The following SART1 variants were observed in gnomAD, a reference collection of about 807,000 sequenced individuals.
SART1 encodes the protein spliceosome associated factor 1, recruiter of U4/U6.U5 tri-snRNP.
A neutral mutation model predicts 105.0 loss-of-function variants in SART1; 28 were observed. The observed-to-expected ratio is 0.27, with a 90% CI of 0.20 to 0.37. The LOEUF (loss-of-function observed/expected upper bound fraction) is 0.37. Among genes scored for constraint, SART1 ranks in the 10% least tolerant of loss-of-function variants. The pLI, the probability that SART1 is intolerant of heterozygous loss-of-function variation, is 1.00. For synonymous variants in SART1, 472 were observed against 462.9 expected (o/e 1.02, Z -0.25); for missense variants, 894 against 1,106.5 (o/e 0.81, Z 2.72).
intron 2 of SART1, 38 bp from the exon 3 acceptor site, chr11:65,964,477 C>T (rs369677284): frequency 7.3e-5 from 118 of 1,611,556 alleles, no homozygotes; most frequent in Middle Eastern, 1.6e-4. Context: ...CACCCTGTGT[C>T]TTTAATAGCC....
rs12575735 is a variant in SART1 at position 65,977,760 on chromosome 11, C to T, written c.2037-4C>T. 5.2e-3 allele frequency: 8,440 copies of T among 1,613,964 alleles called. 586 individuals carry two copies. In the East Asian group the frequency reaches 0.15, roughly 29 times the overall value. ...ACACTAAGGCCTCCTCTGTCTCGGG[C>T]CAGGGCCATCGATGACAAGTACAGC... On this transcript the variant is annotated splice_polypyrimidine_tract_variant and splice_region_variant and intron_variant, in intron 16 of 19. Transcript: ENST00000312397.
intron 1 of SART1, among the ~76,000 whole-genome samples, chr11:65,963,711 A>G (rs894655362): frequency 6.6e-6 from 1 of 151,974 alleles, no homozygotes. Flanking sequence ...TGAACTTCTG[A>G]CCTCGTGATC....
intron 12 of SART1, among the ~76,000 whole-genome samples, chr11:65,973,047 A>G (rs942682457): frequency 3.9e-5 from 6 of 152,138 alleles, no homozygotes; most frequent in South Asian, 2.1e-4. Context: ...GGTGGCGGGC[A>G]CCTGTAGTCC....
At chr11:65,974,818 G>C (rs1021809667) in intron 12 of SART1, among the ~76,000 whole-genome samples, 1 of 152,078 alleles carries the variant, frequency 6.6e-6, no homozygotes, top group Non-Finnish European at 1.5e-5. Flanking sequence ...GGCAAATCAC[G>C]AGGTCAGGAG....
Position 65,976,283 on chromosome 11 carries a change from G to A in SART1, c.1573-112G>A. 9.0e-7 allele frequency: 1 copy of A among 1,115,906 alleles called. No homozygotes were observed. Among genetic ancestry groups the A allele is most frequent in the Non-Finnish European group, 1.2e-6 (1 of 807,730 alleles). The allele number at this position is 1,115,906 out of a possible 1,614,324, so 69.1% of individuals were successfully genotyped here. On this transcript the variant is annotated intron_variant, in intron 12 of 19. Coordinates refer to ENST00000312397, the MANE Select transcript of SART1 (RefSeq NM_005146.5). This position sits in a 1 kb window ranked among gnomAD's most constrained non-coding sequence, Gnocchi z 5.1. ...GCAGATAGCAGCTGGGCCTGCATGG[G>A]CTGTGGGCGTGGCCTGTCTGGCTGC...
At chr11:65,965,292 G>T (rs1370848034) in intron 4 of SART1, 50 bp from the exon 5 acceptor site, 2 of 1,603,380 alleles carry the variant, frequency 1.2e-6, no homozygotes, top group African/African-American at 1.3e-5. Context: ...CTTGAGTGGG[G>T]TGGGGAGCAG....
chr11:65,977,742 G>C (rs1338213954), intron 16 of SART1, 22 bp from the exon 17 acceptor site: 1 of 1,613,926 alleles, frequency 6.2e-7, no homozygotes, highest in Non-Finnish European at 8.5e-7. Flanking sequence ...CTCACACTAA[G>C]GCCTCCTCTG....
chr11:65,975,833 C>T (rs949765152), intron 12 of SART1, among the ~76,000 whole-genome samples: 1 of 151,932 alleles, frequency 6.6e-6, no homozygotes, highest in African/African-American at 2.4e-5. Flanking sequence ...TGGGCATCTG[C>T]GACAGGAGGG....
At position 65,978,123 on chromosome 11, in the gene SART1, A is replaced by G. The variant is rs1855521441; in HGVS notation, c.2172+224A>G. The stretch of plus-strand genomic sequence containing the variant: ...ACAGCAGTCTCTTTGCAAGCCTGGC[A>G]GGAGGGTCAGACAGGCACTCGGGAC... On this transcript the variant is annotated intron_variant, in intron 17 of 19. Coordinates refer to ENST00000312397, the MANE Select transcript of SART1 (RefSeq NM_005146.5). This position sits in a 1 kb window ranked among gnomAD's most constrained non-coding sequence, Gnocchi z 6.8. 1.7e-6 allele frequency: 1 copy of G among 583,784 alleles called. No homozygotes were observed. Among genetic ancestry groups the G allele is most frequent in the South Asian group, 2.0e-5 (1 of 50,056 alleles). The allele number at this position is 583,784 out of a possible 1,614,324, so 36.2% of individuals were successfully genotyped here.
Position 65,964,587 on chromosome 11 carries a change from G to T in SART1, c.427+17G>T, listed in dbSNP as rs757120155. On this transcript the variant is annotated intron_variant, in intron 3 of 19. Coordinates refer to ENST00000312397, the MANE Select transcript of SART1 (RefSeq NM_005146.5). ...TCAAGAAGGGTGAGTATGGGGCTGA[G>T]GATAGGGTTTGGGGGAAAGAGGCCA... is the stretch of plus-strand genomic sequence containing the variant. 3.1e-6 allele frequency: 5 copies of T among 1,601,012 alleles called. No individual in the cohort carries two copies. The Admixed American group carries it at 5.5e-5, about 17-fold the overall frequency.
chr11:65,977,176 C>A, intron 15 of SART1, 75 bp downstream of exon 15: 1 of 1,078,008 alleles, frequency 9.3e-7, no homozygotes, highest in Non-Finnish European at 1.4e-6. Flanking sequence ...CCCCTCCGGT[C>A]CCCTCTGCTG....
intron 2 of SART1, 150 bp from the exon 3 acceptor site, chr11:65,964,365 A>AGG (rs1470819854): frequency 1.0e-6 from 1 of 970,422 alleles, no homozygotes; most frequent in Non-Finnish European, 1.6e-6. Flanking sequence ...TTTGGAGGCC[A>AGG]GGGCCCTTCC....
In SART1 at chr11:65,977,757, G is replaced by A. The variant is rs1855512562; in HGVS notation, c.2037-7G>A. 6.2e-7 allele frequency: 1 copy of A among 1,613,980 alleles called. No individual in the cohort carries two copies. On this transcript the variant is annotated splice_polypyrimidine_tract_variant and splice_region_variant and intron_variant, in intron 16 of 19. Transcript: ENST00000312397. ...CTCACACTAAGGCCTCCTCTGTCTCGGGCCAGGGCCATCGATGACAAGTAC... is the reference window on the plus strand; with the variant it reads ...CTCACACTAAGGCCTCCTCTGTCTCAGGCCAGGGCCATCGATGACAAGTAC...
At chr11:65,966,600 C>T in intron 9 of SART1, 44 bp downstream of exon 9, 5 of 1,443,302 alleles carry the variant, frequency 3.5e-6, no homozygotes, top group Non-Finnish European at 4.6e-6. Flanking sequence ...GATTCTCCCT[C>T]CCTCTGGGGC....
Position 65,976,993 on chromosome 11 carries a change from C to A in SART1, c.1858-21C>A, listed in dbSNP as rs779194693. ...AAGAGCCGGTATGGCCTGCTAACCA[C>A]CCCCGCCACGTGTCCCGTAGTTCTC... On this transcript the variant is annotated intron_variant, in intron 14 of 19. Transcript: ENST00000312397. The surrounding 1 kb of genome is among the most constrained non-coding windows in gnomAD (Gnocchi z 5.1). 4 of 1,601,906 alleles carry A rather than the reference C, an allele frequency of 2.5e-6. No homozygotes were observed. Among genetic ancestry groups the A allele is most frequent in the Non-Finnish European group, 3.4e-6 (4 of 1,169,142 alleles).
chr11:65,965,263 C>T lies in SART1; in HGVS notation c.554+45C>T, dbSNP rs574525272. On this transcript the variant is annotated intron_variant, in intron 4 of 19. Transcript: ENST00000312397. ...GCAGGCAAGGGAAGGGCTGGGGAGG[C>T]CACCATCCTTGGCTGCCTCTTGAGT... 208 of 1,608,248 alleles carry T rather than the reference C, an allele frequency of 1.3e-4. 1 individual carries two copies. In the South Asian group the frequency reaches 2.1e-3, roughly 16 times the overall value.
At position 65,966,534 on chromosome 11, in the gene SART1, A is replaced by C; in HGVS notation, c.1166A>C (p.Glu389Ala). The change falls in exon 9 of 20, where the codon GAA (glutamate) becomes GCA (alanine). Residue 389 changes from glutamate (E) to alanine (A), a missense_variant. Coordinates refer to ENST00000312397, the MANE Select transcript of SART1 (RefSeq NM_005146.5). ...LSTVGPRLAS[E>A]YLTPEEMVTF... is the part of the protein sequence containing the mutation. The stretch of plus-strand genomic sequence containing the variant: ...ACAGTGGGGCCCCGGCTGGCCTCCG[A>C]ATACCTCACGCCTGAGGAGATGGTG... 6.4e-7 allele frequency: 1 copy of C among 1,556,732 alleles called. No individual in the cohort carries two copies. Among genetic ancestry groups the C allele is most frequent in the South Asian group, 1.2e-5 (1 of 81,446 alleles).
chr11:65,977,067 G>A lies in SART1; in HGVS notation c.1911G>A (p.Gly637=). 6 of 1,614,014 alleles carry A rather than the reference G, an allele frequency of 3.7e-6. No homozygotes were observed. Among genetic ancestry groups the A allele is most frequent in the South Asian group, 1.1e-5 (1 of 91,084 alleles). ...ACGAGGAACCGATCGTGAATAGGGG[G>A]CTGGCAGCTGCCCTGCTCCTGTGTC... ...ILDEEPIVNR[G]LAAALLLCQN... is the part of the protein sequence containing the mutation. Residue 637 remains glycine, a synonymous_variant, in exon 15 of 20, where the codon GGG becomes GGA. Transcript: ENST00000312397.
chr11:65,964,553 T>G lies in SART1; in HGVS notation c.410T>G (p.Val137Gly). The G allele has an allele frequency of 6.2e-7, 1 of 1,611,070 alleles. No individual in the cohort carries two copies. The highest frequency in any genetic ancestry group is 8.5e-7 in the Non-Finnish European group (1 of 1,179,190). ...AAGTTGGGGCTGAAACCCTTGGAGG[T>G]TAATGCCATCAAGAAGGGTGAGTAT... ...RAKLGLKPLE[V>G]NAIKKEAGTK... Residue 137 changes from valine to glycine, a missense_variant, in exon 3 of 20, where the codon GTT becomes GGT. By Grantham distance (109) the Val-to-Gly change is moderately radical. Around this residue, in one of 2 missense-constraint regions of SART1, gnomAD observed 712 missense variants for 778.2 expected, o/e 0.91. Coordinates refer to ENST00000312397, the MANE Select transcript of SART1 (RefSeq NM_005146.5).
Sources: allele counts gnomAD v4.1 joint callset (sites outside exome capture counted in the v4.1 genomes callset), GRCh38; gene constraint gnomAD v4.1.1; regional missense constraint gnomAD v4.1.1; non-coding constraint Gnocchi (gnomAD v3.1); transcripts MANE v1.5; gene names NCBI Gene and HGNC (gene_info 2026-07-23, HGNC 2026-07-21).